The following NBPF8 variants were observed in gnomAD, a reference collection of about 807,000 sequenced individuals.
NBPF8 encodes the protein NBPF family member NBPF8.
intron 22 of NBPF8, among the ~76,000 whole-genome samples, chr1:120,464,133 CTGTGTGTGTGTGTGTGTG>C (rs1169651864): frequency 7.7e-5 from 3 of 38,984 alleles, no homozygotes; most frequent in African/African-American, 5.5e-4. Context: ...CTCTCTCTCT[CTGTGTGTGTGTGTGTGTG>C]TGTGTGTGTG....
chr1:120,454,590 C>G (rs1553249468), intron 15 of NBPF8, among the ~76,000 whole-genome samples: 1 of 151,608 alleles, frequency 6.6e-6, no homozygotes, highest in African/African-American at 2.4e-5. Flanking sequence ...GAAATCAGTA[C>G]GGAAACTTTT....
upstream of NBPF8, chr1:120,433,451 C>G (rs1345656912): frequency 2.0e-5 from 3 of 152,418 alleles, no homozygotes; most frequent in African/African-American, 7.3e-5. Context: ...TCCATCAAAA[C>G]AAAAAAGTTT....
chr1:120,436,005 AAC>A (rs1661063595), upstream of NBPF8, among the ~76,000 whole-genome samples: 1 of 152,174 alleles, frequency 6.6e-6, no homozygotes, highest in Non-Finnish European at 1.5e-5. Context: ...ACAAGAGATA[AAC>A]AGTGAGGAAT....
At chr1:120,419,677 G>A (rs1660522977), upstream of NBPF8, among the ~76,000 whole-genome samples, 1 of 141,932 alleles carries the variant, frequency 7.0e-6, no homozygotes, top group South Asian at 2.4e-4. Context: ...GCCGAGGCTG[G>A]TGAGGACTGT....
upstream of NBPF8, chr1:120,432,691 TA>T (rs1212130604): frequency 8.1e-5 from 12 of 148,012 alleles, no homozygotes; most frequent in Middle Eastern, 3.2e-3. Context: ...AGAAAATGGT[TA>T]AAAATGCAAA....
At chr1:120,428,112 T>C (rs1660771402) in intron 3 of NBPF8, among the ~76,000 whole-genome samples, 1 of 152,174 alleles carries the variant, frequency 6.6e-6, no homozygotes, top group Non-Finnish European at 1.5e-5. Flanking sequence ...TTGTTTCCTT[T>C]TTAAGATGAT....
chr1:120,449,789 AG>A (rs1180101631), intron 11 of NBPF8, among the ~76,000 whole-genome samples: 7 of 152,194 alleles, frequency 4.6e-5, no homozygotes, highest in African/African-American at 1.7e-4. Flanking sequence ...ATTCAGTTCA[AG>A]TTTCTGTTGA....
upstream of NBPF8, chr1:120,432,359 T>A (rs1479248723): frequency 4.0e-5 from 3 of 75,694 alleles, no homozygotes; most frequent in African/African-American, 6.9e-5. Context: ...AGCCTTTGTA[T>A]AAGGGCACTG....
intron 11 of NBPF8, among the ~76,000 whole-genome samples, chr1:120,450,198 G>A (rs1661224311): frequency 6.6e-6 from 1 of 152,118 alleles, no homozygotes; most frequent in South Asian, 2.1e-4. Context: ...TTGCACTCCA[G>A]CCTGGGCGAC....
chr1:120,415,992 C>G (rs1337429312), upstream of NBPF8, among the ~76,000 whole-genome samples: 7 of 152,284 alleles, frequency 4.6e-5, no homozygotes, highest in African/African-American at 1.4e-4. Flanking sequence ...GCTGCTAGAG[C>G]TGCTTTCAAA....
upstream of NBPF8, among the ~76,000 whole-genome samples, chr1:120,434,467 C>T (rs1255372764): frequency 2.7e-5 from 4 of 145,948 alleles, no homozygotes; most frequent in Non-Finnish European, 6.0e-5. Context: ...ATTAACTCGT[C>T]ATTTACATTA....
intron 3 of NBPF8, among the ~76,000 whole-genome samples, chr1:120,428,099 G>A (rs1447009745): frequency 1.3e-5 from 2 of 151,978 alleles, no homozygotes; most frequent in Non-Finnish European, 2.9e-5. Context: ...GCAAAATATT[G>A]CCTTGTTTCC....
At chr1:120,420,191 G>C (rs1660535055) in intron 1 of NBPF8, among the ~76,000 whole-genome samples, 73 bp downstream of exon 2, 1 of 151,434 alleles carries the variant, frequency 6.6e-6, no homozygotes, top group Non-Finnish European at 1.5e-5. Flanking sequence ...AGATGTGAAG[G>C]GAAGATGCCA....
At chr1:120,436,077 ACT>A (rs1553247707), upstream of NBPF8, among the ~76,000 whole-genome samples, 327 of 151,884 alleles carry the variant, frequency 2.2e-3, 1 homozygote, top group Non-Finnish European at 3.3e-3. Flanking sequence ...GTACACGAAT[ACT>A]GAGAGTGAAT....
chr1:120,450,954 C>A, intron 11 of NBPF8, among the ~76,000 whole-genome samples: 1 of 151,770 alleles, frequency 6.6e-6, no homozygotes. Flanking sequence ...ATCTTGTCAA[C>A]TTCCTTGATG....
upstream of NBPF8, among the ~76,000 whole-genome samples, chr1:120,419,610 C>T (rs1161030839): frequency 6.6e-6 from 1 of 151,894 alleles, no homozygotes; most frequent in East Asian, 1.9e-4. Context: ...AAGTGTGTGC[C>T]ACCATGCTGG....
At chr1:120,434,432 TGTGCCATG>T (rs1661014122), upstream of NBPF8, among the ~76,000 whole-genome samples, 2 of 146,090 alleles carry the variant, frequency 1.4e-5, no homozygotes, top group Non-Finnish European at 3.0e-5. Context: ...TATATATACG[TGTGCCATG>T]TTGGTTTGCT....
At chr1:120,464,847 G>T (rs1661701120) in intron 23 of NBPF8, among the ~76,000 whole-genome samples, 1 of 128,182 alleles carries the variant, frequency 7.8e-6, no homozygotes, top group Non-Finnish European at 1.7e-5. Flanking sequence ...TGACTCAAGG[G>T]TTTGTAGATT....
At chr1:120,428,147 T>A (rs1350903536) in intron 3 of NBPF8, among the ~76,000 whole-genome samples, 1 of 151,968 alleles carries the variant, frequency 6.6e-6, no homozygotes, top group East Asian at 1.9e-4. Context: ...GCAAATTTGT[T>A]GTCTGTCCCC....
Sources: allele counts gnomAD v4.1 joint callset (sites outside exome capture counted in the v4.1 genomes callset), GRCh38; gene constraint gnomAD v4.1.1; transcripts MANE v1.5; gene names NCBI Gene and HGNC (gene_info 2026-07-23, HGNC 2026-07-21).